MDN1: variants seen among roughly 807,000 people sequenced by gnomAD.
The protein encoded by MDN1 is midasin AAA ATPase 1.
In MDN1, 266 loss-of-function variants were observed where a neutral mutation model predicts 669.2. That is an observed-to-expected ratio of 0.40 (90% confidence interval 0.36 to 0.44). MDN1 has a LOEUF of 0.44. MDN1 is among the 20% of genes least tolerant of loss of function. The probability of loss-of-function intolerance (pLI) is 1.00; values close to 1 mark genes in which losing one functional copy is unlikely to be tolerated. For synonymous variants in MDN1, 2,385 were observed against 2,457.1 expected (o/e 0.97, Z 0.87); for missense variants, 5,940 against 6,754.0 (o/e 0.88, Z 4.22).
At chr6:89,804,532 C>T (rs1390099712) in intron 1 of MDN1, among the ~76,000 whole-genome samples, 2 of 152,054 alleles carry the variant, frequency 1.3e-5, no homozygotes, top group Non-Finnish European at 2.9e-5. Context: ...TCCCCCAGCT[C>T]CTTTAACTCT....
intron 94 of MDN1, 29 bp from the exon 95 acceptor site, chr6:89,652,310 TG>T: frequency 6.3e-7 from 1 of 1,591,280 alleles, no homozygotes; most frequent in Non-Finnish European, 8.6e-7. Context: ...AGATAAGAGG[TG>T]GCCCAGGTTG....
chr6:89,816,955 C>T (rs963028057), intron 1 of MDN1, among the ~76,000 whole-genome samples: 2 of 152,158 alleles, frequency 1.3e-5, no homozygotes, highest in African/African-American at 2.4e-5. Flanking sequence ...ATTACAGGCG[C>T]GTGCCACTGT....
intron 37 of MDN1, among the ~76,000 whole-genome samples, chr6:89,725,947 A>G (rs1815203430): frequency 7.9e-5 from 12 of 151,558 alleles, no homozygotes; most frequent in Admixed American, 6.6e-4. Flanking sequence ...ACACACACAC[A>G]CACACACACA....
At chr6:89,784,208 T>C (rs183055785) in intron 9 of MDN1, among the ~76,000 whole-genome samples, 1 of 151,984 alleles carries the variant, frequency 6.6e-6, no homozygotes, top group East Asian at 1.9e-4. Flanking sequence ...TCCCAGGTAC[T>C]TGGGAGGCTA....
intron 17 of MDN1, among the ~76,000 whole-genome samples, chr6:89,761,363 C>T (rs1338710772): frequency 2.0e-5 from 3 of 152,174 alleles, no homozygotes; most frequent in East Asian, 1.9e-4. Flanking sequence ...TATTCACTAG[C>T]TTTAGTTATT....
intron 63 of MDN1, among the ~76,000 whole-genome samples, chr6:89,691,187 C>T (rs113060009): frequency 1.8e-3 from 270 of 152,264 alleles, no homozygotes; most frequent in Non-Finnish European, 2.8e-3. Context: ...CAGACAACAC[C>T]TGGGTGGCAC....
intron 4 of MDN1, 65 bp downstream of exon 4, chr6:89,794,035 A>G: frequency 2.1e-6 from 3 of 1,417,668 alleles, no homozygotes; most frequent in Non-Finnish European, 2.9e-6. Context: ...CTGGCCTGTC[A>G]CCCCCAGAAA....
Position 89,819,730 on chromosome 6 carries a change from G to T in MDN1, c.-123C>A. ...TACGCCCGCAGGAAAGGCGTCCTCA[G>T]CTCCAGCGCCTACACCGGGAGAGGG... On this transcript the variant is annotated 5_prime_UTR_variant, in exon 1 of 102. It adds an upstream start codon to the 5' untranslated region. Transcript: ENST00000369393. 1.3e-6 allele frequency: 1 copy of T among 745,906 alleles called. No homozygotes were observed. Among genetic ancestry groups the T allele is most frequent in the South Asian group, 1.6e-5 (1 of 63,878 alleles). 46.2% of individuals were successfully genotyped at this position (745,906 alleles called of 1,614,324 possible). A position where few individuals can be genotyped will look rare whatever the true frequency, so the allele number is the denominator to read the frequency against.
In MDN1 at chr6:89,749,287, T is replaced by A; in HGVS notation, c.3698A>T (p.His1233Leu). ...LPSSELETILHKRCSLPPSYC... is the reference protein window; with the variant it reads ...LPSSELETILLKRCSLPPSYC... ...GGAGGGTGGCAAACTACACCGCTTG[T>A]GCAAGATTGTTTCCAACTCGGAGCT... is the stretch of plus-strand genomic sequence containing the variant. Residue 1233 changes from histidine to leucine, a missense_variant, in exon 26 of 102, where the codon CAC (histidine) becomes CTC (leucine). By Grantham distance (99) the His-to-Leu change is moderately conservative. Coordinates refer to ENST00000369393, the MANE Select transcript of MDN1 (RefSeq NM_014611.3). 18 of 1,614,126 alleles carry A rather than the reference T, an allele frequency of 1.1e-5. No individual in the cohort carries two copies. Among genetic ancestry groups the A allele is most frequent in the Non-Finnish European group, 1.5e-5 (18 of 1,180,006 alleles).
intron 1 of MDN1, among the ~76,000 whole-genome samples, chr6:89,811,732 C>T (rs933032659): frequency 2.0e-5 from 3 of 152,104 alleles, no homozygotes; most frequent in African/African-American, 7.2e-5. Context: ...GTGTGAGCCA[C>T]CGCAACCAGC....
chr6:89,741,089 G>A (rs370897279), intron 31 of MDN1, among the ~76,000 whole-genome samples: 1 of 152,104 alleles, frequency 6.6e-6, no homozygotes, highest in Admixed American at 6.6e-5. Flanking sequence ...AAAATTAGCA[G>A]ACTGTGCTGG....
intron 68 of MDN1, 81 bp downstream of exon 68, chr6:89,687,263 T>C: frequency 7.4e-7 from 1 of 1,355,268 alleles, no homozygotes; most frequent in South Asian, 1.3e-5. Context: ...TAATACTATA[T>C]AAATCCTAAA....
rs966268248 is a variant in MDN1 at position 89,816,415 on chromosome 6, G to A, written c.102+3091C>T. ...ACTCCATCTCCGTCTAGGGGCGGGG[G>A]TGAGGAGACTGCATTTGGGGGAAAA... On this transcript the variant is annotated intron_variant, in intron 1 of 101. Transcript: ENST00000369393. Among the ~76,000 whole-genome samples, 3 of 113,138 alleles carry A rather than the reference G, an allele frequency of 2.7e-5. No individual in the cohort carries two copies. The East Asian group carries it at 8.0e-4, about 30-fold the overall frequency. The allele number at this position is 113,138 out of a possible 152,430, so 74.2% of individuals were successfully genotyped here.
chr6:89,789,369 C>T (rs1218014318), intron 7 of MDN1, among the ~76,000 whole-genome samples: 2 of 152,154 alleles, frequency 1.3e-5, no homozygotes, highest in Non-Finnish European at 2.9e-5. Context: ...CCTCCTTCAC[C>T]TGTCCTCAGC....
At chr6:89,761,608 A>C in intron 17 of MDN1, 37 bp downstream of exon 17, 1 of 1,434,848 alleles carries the variant, frequency 7.0e-7, no homozygotes, top group Non-Finnish European at 9.7e-7. Flanking sequence ...GCATAAAATC[A>C]ACGTTCCCAT....
At chr6:89,788,099 G>A in intron 7 of MDN1, 142 bp from the exon 8 acceptor site, 1 of 691,872 alleles carries the variant, frequency 1.4e-6, no homozygotes, top group Admixed American at 2.9e-5. Flanking sequence ...GGGTCAGTAT[G>A]CAGGTGGGAA....
At chr6:89,678,773 G>C in intron 74 of MDN1, 28 bp from the exon 75 acceptor site, 1 of 1,594,300 alleles carries the variant, frequency 6.3e-7, no homozygotes, top group East Asian at 2.2e-5. Flanking sequence ...GCGGGGAGGG[G>C]AGACAATAAG....
At chr6:89,775,641 C>T (rs565168938) in intron 12 of MDN1, among the ~76,000 whole-genome samples, 39 of 152,196 alleles carry the variant, frequency 2.6e-4, no homozygotes, top group African/African-American at 8.9e-4. Flanking sequence ...AGTGAGTATA[C>T]AGGTATTCAC....
At chr6:89,659,632 C>A (rs946124028) in intron 88 of MDN1, among the ~76,000 whole-genome samples, 1 of 152,010 alleles carries the variant, frequency 6.6e-6, no homozygotes, top group African/African-American at 2.4e-5. Context: ...AGCTAATCCA[C>A]CCAAAAAAAC....
Sources: allele counts gnomAD v4.1 joint callset (sites outside exome capture counted in the v4.1 genomes callset), GRCh38; gene constraint gnomAD v4.1.1; transcripts MANE v1.5; gene names NCBI Gene and HGNC (gene_info 2026-07-23, HGNC 2026-07-21).